SMPD4: variants seen among roughly 807,000 people sequenced by gnomAD.
SMPD4 encodes neutral sphingomyelinase 3.
Under a neutral mutation model 97.8 loss-of-function variants are expected in SMPD4, and 58 were observed. The observed-to-expected ratio is 0.59, with a 90% confidence interval of 0.48 to 0.74. SMPD4 has a LOEUF of 0.74. SMPD4 is among the 30% of genes least tolerant of loss of function. The pLI, the probability that SMPD4 is intolerant of heterozygous loss-of-function variation, is 0.00. For missense variants in SMPD4, 853 were observed against 1,080.5 expected, an observed-to-expected ratio of 0.79 and a Z score of 2.95; for synonymous variants, 388 against 450.0, an observed-to-expected ratio of 0.86 and a Z score of 1.74.
intron 9 of SMPD4, among the ~76,000 whole-genome samples, chr2:130,166,026 A>G (rs1480444321): frequency 2.0e-5 from 3 of 152,110 alleles, no homozygotes; most frequent in Non-Finnish European, 4.4e-5. Context: ...TTTCTTAGTT[A>G]AAAAAACAAA....
chr2:130,173,399 C>T (rs1431786017), intron 4 of SMPD4, 45 bp from the exon 5 acceptor site: 22 of 1,606,270 alleles, frequency 1.4e-5, no homozygotes, highest in Non-Finnish European at 1.8e-5. Context: ...GGCAAATGAA[C>T]TGCGAATTAT....
intron 15 of SMPD4, chr2:130,154,892 G>C: frequency 1.4e-6 from 1 of 706,606 alleles, no homozygotes; most frequent in East Asian, 2.7e-5. Flanking sequence ...CCCACCCAGT[G>C]CCTGGTGGCT....
At chr2:130,160,253 T>C (rs1208901193) in intron 11 of SMPD4, among the ~76,000 whole-genome samples, 1 of 152,146 alleles carries the variant, frequency 6.6e-6, no homozygotes, top group African/African-American at 2.4e-5. Flanking sequence ...TCCTCTGCAG[T>C]GGCTCCTGCG....
rs1391345097 is a variant in SMPD4 at position 130,155,170 on chromosome 2, G to A, written c.1379C>T (p.Pro460Leu). ...TCGGAACACCATGAGCGCGTGCTTG[G>A]GGCTGACCAGGTCTGTGCGGAGCGC... ...NRALRTDLVS[P>L]KHALMVFRVA... Residue 460 changes from proline (P) to leucine (L), a missense_variant, in exon 15 of 20, where the codon CCC becomes CTC. This residue lies in a region of SMPD4 where 511 missense variants were observed against 608.1 expected (regional missense o/e 0.84). Coordinates refer to ENST00000680298, the MANE Select transcript of SMPD4 (RefSeq NM_017951.5). 1 of 1,614,088 alleles carries A rather than the reference G, an allele frequency of 6.2e-7. No individual in the cohort carries two copies. The highest frequency in any genetic ancestry group is 1.3e-5 in the African/African-American group (1 of 74,956).
rs1688651361 is a variant in SMPD4, at chr2:130,173,289, G to A, written c.335C>T (p.Ser112Phe). ...AEDYKFDFPV[S>F]YLPGPVKASI... ...CTGTGGTTTACTTACAGGCAAGTAG[G>A]AGACAGGAAAGTCGAACTTATAGTC... Residue 112 changes from serine (S) to phenylalanine (F), a missense_variant, in exon 5 of 20, where the codon TCC becomes TTC. Transcript: ENST00000680298. 2 of 1,613,792 alleles carry A rather than the reference G, an allele frequency of 1.2e-6. No individual in the cohort carries two copies. Among genetic ancestry groups the A allele is most frequent in the Non-Finnish European group, 1.7e-6 (2 of 1,179,840 alleles).
At chr2:130,157,684 G>A (rs978230435) in intron 11 of SMPD4, 22 of 507,106 alleles carry the variant, frequency 4.3e-5, no homozygotes, top group African/African-American at 3.9e-4. Flanking sequence ...ATCTGCAGAG[G>A]GCCTCCCAGC....
intron 8 of SMPD4, among the ~76,000 whole-genome samples, chr2:130,168,192 G>A (rs747634763): frequency 6.6e-6 from 1 of 152,172 alleles, no homozygotes; most frequent in Non-Finnish European, 1.5e-5. Context: ...GGGTGACAGA[G>A]CAAGACCCTG....
chr2:130,153,244 C>G, intron 18 of SMPD4, 73 bp from the exon 19 acceptor site: 1 of 1,612,676 alleles, frequency 6.2e-7, no homozygotes, highest in Non-Finnish European at 8.5e-7. Flanking sequence ...CTGATGGCCT[C>G]TGCTCACAAG....
In SMPD4 at chr2:130,157,350, A is replaced by T; in HGVS notation, c.998T>A (p.Leu333Gln). 1 of 1,602,916 alleles carries T rather than the reference A, an allele frequency of 6.2e-7. No homozygotes were observed. Among genetic ancestry groups the T allele is most frequent in the Non-Finnish European group, 8.5e-7 (1 of 1,175,854 alleles). The change falls in exon 12 of 20, where the codon CTG (leucine) becomes CAG (glutamine). Residue 333 changes from leucine to glutamine, a missense_variant. Coordinates refer to ENST00000680298, the MANE Select transcript of SMPD4 (RefSeq NM_017951.5). ...TEEHVLVVRL[L>Q]LKHLHAFANS... ...GGCAAAGGCGTGCAGGTGCTTCAGC[A>T]GCAGGCGCACCACCAACACATGCTC...
intron 10 of SMPD4, among the ~76,000 whole-genome samples, chr2:130,163,922 C>T (rs1221327120): frequency 6.6e-6 from 1 of 152,208 alleles, no homozygotes; most frequent in African/African-American, 2.4e-5. Context: ...TGCTCATGCT[C>T]TGGAGAAGGT....
chr2:130,153,227 G>C, intron 18 of SMPD4, 56 bp from the exon 19 acceptor site: 1 of 1,613,160 alleles, frequency 6.2e-7, no homozygotes, highest in Non-Finnish European at 8.5e-7. Flanking sequence ...ACACAACTCA[G>C]AGGAGCCTGA....
chr2:130,176,848 TC>T (rs1689021868), intron 1 of SMPD4, among the ~76,000 whole-genome samples: 1 of 151,966 alleles, frequency 6.6e-6, no homozygotes, highest in Non-Finnish European at 1.5e-5. Context: ...TGGCTAATTT[TC>T]TTCTTTTTTG....
At chr2:130,158,240 C>T (rs969552423) in intron 11 of SMPD4, 32 of 1,288,766 alleles carry the variant, frequency 2.5e-5, no homozygotes, top group Middle Eastern at 2.1e-4. Context: ...AAGCCCCGGG[C>T]GTCACTTCCT....
intron 8 of SMPD4, among the ~76,000 whole-genome samples, chr2:130,171,457 G>A (rs112659464): frequency 1.3e-5 from 2 of 151,974 alleles, no homozygotes; most frequent in Non-Finnish European, 2.9e-5. Context: ...GTTAAAACAA[G>A]CAAAAAAACC....
Position 130,172,340 on chromosome 2 carries a change from C to T in SMPD4, c.659+9G>A. ...GGAAGGGCCAGGTCTTAACAAAGGGCAGCCTTACCTGGGAGGTGGTGAGGG... is the reference window on the plus strand; with the variant it reads ...GGAAGGGCCAGGTCTTAACAAAGGGTAGCCTTACCTGGGAGGTGGTGAGGG... On this transcript the variant is annotated intron_variant, in intron 8 of 19. Coordinates refer to ENST00000680298, the MANE Select transcript of SMPD4 (RefSeq NM_017951.5). The T allele has an allele frequency of 2.6e-6, 4 of 1,568,162 alleles. No individual in the cohort carries two copies. Among genetic ancestry groups the T allele is most frequent in the Non-Finnish European group, 3.5e-6 (4 of 1,157,268 alleles).
At chr2:130,156,445 A>T in intron 13 of SMPD4, 140 bp downstream of exon 13, 1 of 861,856 alleles carries the variant, frequency 1.2e-6, no homozygotes, top group South Asian at 1.7e-5. Context: ...AACAGAAAGA[A>T]CAATGTGGCC....
At chr2:130,158,543 G>T (rs542999032) in intron 11 of SMPD4, among the ~76,000 whole-genome samples, 1 of 152,164 alleles carries the variant, frequency 6.6e-6, no homozygotes, top group Non-Finnish European at 1.5e-5. Flanking sequence ...GTCTCCCAAA[G>T]AGAGGGAATA....
At chr2:130,173,107 G>A (rs1370543816) in intron 5 of SMPD4, among the ~76,000 whole-genome samples, 172 bp downstream of exon 5, 3 of 152,182 alleles carry the variant, frequency 2.0e-5, no homozygotes, top group African/African-American at 7.2e-5. Context: ...ATAAAGAGCT[G>A]CAGACAGCAA....
intron 18 of SMPD4, 55 bp from the exon 19 acceptor site, chr2:130,153,226 A>AC (rs761682669): frequency 2.1e-5 from 34 of 1,613,048 alleles, no homozygotes; most frequent in African/African-American, 2.7e-5. Context: ...CACACAACTC[A>AC]GAGGAGCCTG....
Sources: allele counts gnomAD v4.1 joint callset (sites outside exome capture counted in the v4.1 genomes callset), GRCh38; gene constraint gnomAD v4.1.1; regional missense constraint gnomAD v4.1.1; transcripts MANE v1.5; gene names NCBI Gene and HGNC (gene_info 2026-07-23, HGNC 2026-07-21).